Variants in CPED1 observed in about 807,000 individuals in gnomAD.
The protein encoded by CPED1 is cadherin-like and PC-esterase domain-containing protein 1.
In CPED1, 114 loss-of-function variants were observed where a neutral mutation model predicts 128.2. The observed-to-expected ratio is 0.89, with a 90% confidence interval of 0.76 to 1.04. The LOEUF is 1.04. CPED1 is among the 50% of genes least tolerant of loss of function. CPED1 has a pLI of 0.00. For synonymous variants in CPED1, 462 were observed against 426.7 expected (o/e 1.08, Z -1.02); for missense variants, 1,211 against 1,207.1 (o/e 1.00, Z -0.05).
intron 2 of CPED1, among the ~76,000 whole-genome samples, chr7:121,007,805 C>T (rs1023224524): frequency 7.2e-5 from 11 of 152,172 alleles, no homozygotes; most frequent in Non-Finnish European, 1.6e-4. Context: ...TGCTGCTTCT[C>T]TTTGCTCTTT....
chr7:121,296,181 A>G lies in CPED1; in HGVS notation c.*529A>G, dbSNP rs567832673. ...ATGCTTATGAAAAACATTTCTTCCT[A>G]TACTTTTTAAATTTTATTACTGAAA... is the stretch of plus-strand genomic sequence containing the variant. On this transcript the variant is annotated 3_prime_UTR_variant, in exon 23 of 23. Coordinates refer to ENST00000310396, the MANE Select transcript of CPED1 (RefSeq NM_024913.5). 3.9e-5 allele frequency: 6 copies of G among 152,750 alleles called. No individual in the cohort carries two copies. The highest frequency in any genetic ancestry group is 3.9e-4 in the Admixed American group (6 of 15,296). The allele number at this position is 152,750 out of a possible 1,614,324, so 9.5% of individuals were successfully genotyped here. A position where few individuals can be genotyped will look rare whatever the true frequency, so the allele number is the denominator to read the frequency against.
chr7:121,216,974 T>C (rs2116610803), intron 16 of CPED1, among the ~76,000 whole-genome samples: 1 of 152,196 alleles, frequency 6.6e-6, no homozygotes, highest in East Asian at 1.9e-4. Flanking sequence ...ATTGCATTTT[T>C]TTGGAGAGTT....
chr7:121,201,454 G>A (rs939128095), intron 16 of CPED1, among the ~76,000 whole-genome samples: 1 of 96,248 alleles, frequency 1.0e-5, no homozygotes, highest in South Asian at 3.6e-4. Context: ...GAGAAAGAGA[G>A]AAAGAGGGAG....
chr7:121,033,406 G>A (rs142157772), intron 3 of CPED1, among the ~76,000 whole-genome samples: 163 of 152,200 alleles, frequency 1.1e-3, no homozygotes, highest in Non-Finnish European at 2.0e-3. Context: ...CCTAGATGTC[G>A]GATTTATCTG....
Position 121,255,980 on chromosome 7 carries a change from T to C in CPED1, c.2311-10247T>C, listed in dbSNP as rs77307181. ...ATTAATATTGTTAAAATGGCCATAC[T>C]GCCCAAAGAAATTACAGATTCAATG... On this transcript the variant is annotated intron_variant, in intron 18 of 22. Coordinates refer to ENST00000310396, the MANE Select transcript of CPED1 (RefSeq NM_024913.5). 6.2e-3 allele frequency among the ~76,000 whole-genome samples: 944 copies of C among 151,936 alleles called. 11 individuals carry two copies. Among genetic ancestry groups the C allele is most frequent in the African/African-American group, 0.022 (892 of 41,438 alleles).
intron 2 of CPED1, among the ~76,000 whole-genome samples, chr7:121,015,028 A>T (rs1792263890): frequency 6.6e-6 from 1 of 152,234 alleles, no homozygotes; most frequent in Non-Finnish European, 1.5e-5. Context: ...AAAGAGGAAT[A>T]TTTATATGAA....
intron 21 of CPED1, among the ~76,000 whole-genome samples, chr7:121,270,362 T>C (rs1703956023): frequency 6.6e-6 from 1 of 152,162 alleles, no homozygotes; most frequent in South Asian, 2.1e-4. Flanking sequence ...GATAGTTTCT[T>C]TTGCTGTGCA....
chr7:121,050,597 GGGATT>G lies in CPED1; in HGVS notation c.540+3605_540+3609del, dbSNP rs562010524. On this transcript the variant is annotated intron_variant, in intron 4 of 22. Transcript: ENST00000310396. ...TTCTGCCTCAGCCTCTGGAGCAGCT[GGGATT>G]ACAGGCGTCTGCCACCACACCCAGC... is the stretch of plus-strand genomic sequence containing the variant. 3.3e-3 allele frequency among the ~76,000 whole-genome samples: 499 copies of G among 151,736 alleles called. 1 individual carries two copies. The highest frequency in any genetic ancestry group is 0.011 in the African/African-American group (473 of 41,376).
At chr7:121,083,261 T>C (rs924494547) in intron 5 of CPED1, among the ~76,000 whole-genome samples, 3 of 152,194 alleles carry the variant, frequency 2.0e-5, no homozygotes, top group African/African-American at 2.4e-5. Flanking sequence ...GTCTTATGCC[T>C]GGGATTCATG....
At chr7:121,015,245 C>T (rs541048483) in intron 2 of CPED1, among the ~76,000 whole-genome samples, 2 of 152,250 alleles carry the variant, frequency 1.3e-5, no homozygotes, top group East Asian at 3.9e-4. Flanking sequence ...CCTTTCAGTA[C>T]AAAACCCATC....
chr7:121,266,585 T>C, intron 19 of CPED1, 122 bp from the exon 20 acceptor site: 1 of 1,160,994 alleles, frequency 8.6e-7, no homozygotes, highest in East Asian at 2.4e-5. Context: ...AGAAAACAAG[T>C]TGGAAAGTAC....
intron 5 of CPED1, among the ~76,000 whole-genome samples, chr7:121,070,594 A>T (rs1793959330): frequency 6.6e-6 from 1 of 152,162 alleles, no homozygotes; most frequent in African/African-American, 2.4e-5. Flanking sequence ...TTGCATTTTT[A>T]TAAAAGAAGC....
Position 121,271,406 on chromosome 7 carries a change from G to T in CPED1, c.2844G>T (p.Gly948=), listed in dbSNP as rs754404765. 3.7e-6 allele frequency: 6 copies of T among 1,612,820 alleles called. 1 individual carries two copies. In the South Asian group the frequency reaches 6.6e-5, roughly 18 times the overall value. Residue 948 remains glycine, a synonymous_variant, in exon 22 of 23, where the codon GGG becomes GGT. Transcript: ENST00000310396. Reference sequence around the variant, plus strand: ...GGCGTTACAAAGAGTTTCTACAGGGGAAGTGTGGATGTCATTTCCATGAGG... The same window carrying T: ...GGCGTTACAAAGAGTTTCTACAGGGTAAGTGTGGATGTCATTTCCATGAGG... ...TMGRYKEFLQ[G]KCGCHFHEVV...
chr7:121,266,021 G>A (rs1366400721), intron 18 of CPED1, among the ~76,000 whole-genome samples: 2 of 152,024 alleles, frequency 1.3e-5, no homozygotes, highest in Non-Finnish European at 1.5e-5. Flanking sequence ...TGGGTCAGTA[G>A]GTGATGGCAT....
intron 12 of CPED1, among the ~76,000 whole-genome samples, chr7:121,133,094 A>G (rs923522265): frequency 3.3e-5 from 5 of 152,074 alleles, no homozygotes; most frequent in Non-Finnish European, 7.4e-5. Flanking sequence ...AAGTAAGGTA[A>G]ACATTGTTAT....
intron 16 of CPED1, among the ~76,000 whole-genome samples, chr7:121,175,129 G>A (rs1428496246): frequency 2.6e-5 from 4 of 152,054 alleles, no homozygotes; most frequent in African/African-American, 7.2e-5. Flanking sequence ...GGCTACGACC[G>A]TGGGGTTTTC....
chr7:121,071,078 T>C (rs1793977680), intron 5 of CPED1, among the ~76,000 whole-genome samples: 1 of 152,136 alleles, frequency 6.6e-6, no homozygotes, highest in Admixed American at 6.6e-5. Flanking sequence ...CCTGCACCTT[T>C]TCAGTATTTG....
intron 5 of CPED1, among the ~76,000 whole-genome samples, chr7:121,097,433 T>A (rs1348714764): frequency 1.3e-5 from 2 of 152,160 alleles, no homozygotes; most frequent in Non-Finnish European, 2.9e-5. Context: ...TTAGAGACAT[T>A]GTATCTACCT....
intron 2 of CPED1, among the ~76,000 whole-genome samples, chr7:121,012,746 A>T (rs931613201): frequency 6.6e-6 from 1 of 152,330 alleles, no homozygotes; most frequent in South Asian, 2.1e-4. Context: ...AATTCTACTG[A>T]CAAGCTCATT....
Sources: allele counts gnomAD v4.1 joint callset (sites outside exome capture counted in the v4.1 genomes callset), GRCh38; gene constraint gnomAD v4.1.1; transcripts MANE v1.5; gene names NCBI Gene and HGNC (gene_info 2026-07-23, HGNC 2026-07-21).